Variants in SAP130 observed in about 807,000 individuals in gnomAD.
The protein encoded by SAP130 is Sin3A associated protein 130.
Under a neutral mutation model 103.2 loss-of-function variants are expected in SAP130, and 16 were observed. The ratio of observed to expected loss-of-function variants is 0.16; its 90% CI spans 0.10 to 0.24. The LOEUF is 0.24. SAP130 is among the 10% of genes least tolerant of loss of function. The pLI is 1.00. For synonymous variants in SAP130, 477 were observed against 497.0 expected, an observed-to-expected ratio of 0.96 and a Z score of 0.53; for missense variants, 990 against 1,359.7, an observed-to-expected ratio of 0.73 and a Z score of 4.28.
intron 18 of SAP130, among the ~76,000 whole-genome samples, chr2:127,947,758 G>GTGTC (rs1679189365): frequency 7.3e-6 from 1 of 137,690 alleles, no homozygotes. Context: ...TTTGTATTGT[G>GTGTC]TGTGTCTGTG....
intron 15 of SAP130, among the ~76,000 whole-genome samples, chr2:127,971,817 T>C (rs1356862504): frequency 6.6e-6 from 1 of 152,244 alleles, no homozygotes; most frequent in Non-Finnish European, 1.5e-5. Context: ...GCATGTTTCA[T>C]TATAAATTTC....
At chr2:128,016,280 T>C in intron 4 of SAP130, 109 bp downstream of exon 4, 1 of 1,166,232 alleles carries the variant, frequency 8.6e-7, no homozygotes, top group Non-Finnish European at 1.2e-6. Context: ...TCAGTGACTG[T>C]TTGATCTTTT....
chr2:127,994,483 T>C (rs1201155702), intron 11 of SAP130, among the ~76,000 whole-genome samples: 1 of 152,120 alleles, frequency 6.6e-6, no homozygotes, highest in African/African-American at 2.4e-5. Flanking sequence ...TCCCAGTTAC[T>C]CAGGAGGCTG....
intron 14 of SAP130, among the ~76,000 whole-genome samples, chr2:127,984,369 G>C (rs892802082): frequency 1.3e-5 from 2 of 152,166 alleles, no homozygotes; most frequent in African/African-American, 4.8e-5. Flanking sequence ...AGGTGCTTTG[G>C]GCATGTATTT....
rs115065760 is a variant in SAP130 at position 127,955,358 on chromosome 2, G to A, written c.2064-14C>T. 1,461 of 1,523,534 alleles carry A rather than the reference G, an allele frequency of 9.6e-4. 10 individuals carry two copies. The African/African-American group carries it at 0.015, about 16-fold the overall frequency. The allele number at this position is 1,523,534 out of a possible 1,614,324, so 94.4% of individuals were successfully genotyped here. A position where few individuals can be genotyped will look rare whatever the true frequency, so the allele number is the denominator to read the frequency against. ...TTGGGTTTGGCACTAAAACACAAAA[G>A]AAAAGCACATGTAGCAAATAAGAAA... On this transcript the variant is annotated splice_polypyrimidine_tract_variant and intron_variant, in intron 15 of 20. Coordinates refer to ENST00000643581, the MANE Select transcript of SAP130 (RefSeq NM_001330301.2). This position sits in a 1 kb window ranked among gnomAD's most constrained non-coding sequence, Gnocchi z 4.9.
intron 9 of SAP130, 44 bp downstream of exon 9, chr2:128,000,012 C>G: frequency 6.3e-7 from 1 of 1,580,402 alleles, no homozygotes; most frequent in Non-Finnish European, 8.7e-7. Context: ...TCACTCTTGC[C>G]TCCTTTTTCC....
chr2:127,989,824 C>T lies in SAP130; in HGVS notation c.1520G>A (p.Gly507Asp). 1 of 1,614,124 alleles carries T rather than the reference C, an allele frequency of 6.2e-7. No homozygotes were observed. The highest frequency in any genetic ancestry group is 8.5e-7 in the Non-Finnish European group (1 of 1,180,016). Residue 507 changes from glycine (G) to aspartate (D), a missense_variant, in exon 13 of 21, where the codon GGT (glycine) becomes GAT (aspartate). Coordinates refer to ENST00000643581, the MANE Select transcript of SAP130 (RefSeq NM_001330301.2). This position sits in a 1 kb window ranked among gnomAD's most constrained non-coding sequence, Gnocchi z 4.6. ...GTGGACGGTAGACGCTACCCCAACACCAGTCTGAGCTGTGATGGCAGAGTT... is the reference window on the plus strand; with the variant it reads ...GTGGACGGTAGACGCTACCCCAACATCAGTCTGAGCTGTGATGGCAGAGTT... ...APNSAITAQT[G>D]VGVASTVHLN...
intron 2 of SAP130, among the ~76,000 whole-genome samples, chr2:128,020,888 C>T (rs957545953): frequency 4.6e-5 from 7 of 151,546 alleles, no homozygotes; most frequent in African/African-American, 1.7e-4. Context: ...CCCACCTACT[C>T]GGGAGGCTGA....
intron 15 of SAP130, among the ~76,000 whole-genome samples, chr2:127,977,216 A>G (rs1158639564): frequency 1.3e-5 from 2 of 151,810 alleles, no homozygotes; most frequent in Non-Finnish European, 2.9e-5. Context: ...AAGGCCCGGC[A>G]TGGTGGTTCA....
intron 7 of SAP130, among the ~76,000 whole-genome samples, chr2:128,001,553 C>T (rs1347920668): frequency 6.6e-6 from 1 of 152,154 alleles, no homozygotes; most frequent in African/African-American, 2.4e-5. Context: ...GATACAGGTG[C>T]CTCTTTTTTA....
rs188869210 is a variant in SAP130, at chr2:128,019,612, G to A, written c.113-1697C>T. 7.6e-4 allele frequency among the ~76,000 whole-genome samples: 115 copies of A among 152,260 alleles called. 1 individual carries two copies. Among genetic ancestry groups the A allele is most frequent in the African/African-American group, 2.6e-3 (106 of 41,566 alleles). On this transcript the variant is annotated intron_variant, in intron 2 of 20. Transcript: ENST00000643581. ...TTTAAAAATTCAGTGGAGGCCGGGCGTGGTGGTTCACGCCTGTAATCCCAG... is the reference window on the plus strand; with the variant it reads ...TTTAAAAATTCAGTGGAGGCCGGGCATGGTGGTTCACGCCTGTAATCCCAG...
At chr2:127,978,140 A>G in intron 14 of SAP130, 51 bp from the exon 15 acceptor site, 1 of 1,360,694 alleles carries the variant, frequency 7.3e-7, no homozygotes, top group East Asian at 2.5e-5. Context: ...AGGGCATTCA[A>G]GGCTAAGAAA....
chr2:127,972,907 G>A (rs976298457), intron 15 of SAP130, among the ~76,000 whole-genome samples: 4 of 151,970 alleles, frequency 2.6e-5, no homozygotes, highest in African/African-American at 7.3e-5. Context: ...CACTCCAGCC[G>A]GGGTGACTGG....
intron 15 of SAP130, among the ~76,000 whole-genome samples, chr2:127,961,353 G>A (rs1680235263): frequency 1.4e-5 from 2 of 145,218 alleles, no homozygotes; most frequent in Admixed American, 1.4e-4. Flanking sequence ...TTGCTATGTT[G>A]CCCAGGCTGG....
chr2:127,958,933 A>G (rs1355725040), intron 15 of SAP130, among the ~76,000 whole-genome samples: 1 of 152,140 alleles, frequency 6.6e-6, no homozygotes, highest in African/African-American at 2.4e-5. Context: ...CTGTGGGGTG[A>G]GCCGCCACAC....
Position 127,949,990 on chromosome 2 carries a change from C to A in SAP130, c.2676G>T (p.Glu892Asp). The change falls in exon 18 of 21, where the codon GAG becomes GAT. Residue 892 changes from glutamate to aspartate, a missense_variant. Glu to Asp is a conservative substitution (Grantham distance 45). Transcript: ENST00000643581. Reference protein sequence around the residue: ...RKSPPKEYIDEEGVRYVPVRP... With the variant: ...RKSPPKEYIDDEGVRYVPVRP... The stretch of plus-strand genomic sequence containing the variant: ...GCACTGGGACATATCTCACACCTTC[C>A]TCATCTGTTAAAGAGAAGACATTAA... 3 of 1,613,932 alleles carry A rather than the reference C, an allele frequency of 1.9e-6. No homozygotes were observed. Among genetic ancestry groups the A allele is most frequent in the Non-Finnish European group, 2.5e-6 (3 of 1,179,992 alleles).
At chr2:127,968,427 T>G (rs1461596320) in intron 15 of SAP130, among the ~76,000 whole-genome samples, 5 of 150,876 alleles carry the variant, frequency 3.3e-5, no homozygotes, top group Admixed American at 1.3e-4. Context: ...TTTTTTTTTT[T>G]TTTTTTTTTT....
At position 127,951,235 on chromosome 2, in the gene SAP130, G is replaced by A. The variant is rs570350068; in HGVS notation, c.2423-827C>T. 1.2e-4 allele frequency among the ~76,000 whole-genome samples: 19 copies of A among 152,260 alleles called. No individual in the cohort carries two copies. The South Asian group carries it at 3.3e-3, about 27-fold the overall frequency. ...GATAAAAAGCATGTGTTGTGAGGAC[G>A]TAAACATTTGCTTGAGCTTGTATGA... On this transcript the variant is annotated intron_variant, in intron 16 of 20. Transcript: ENST00000643581.
chr2:128,000,817 G>C (rs1683506148), intron 7 of SAP130, among the ~76,000 whole-genome samples: 1 of 152,144 alleles, frequency 6.6e-6, no homozygotes, highest in African/African-American at 2.4e-5. Context: ...CTGAAGGATA[G>C]CTTGTGCCCA....
Sources: gnomAD v4.1 joint callset for allele counts (sites outside exome capture counted in the v4.1 genomes callset) on GRCh38, gnomAD v4.1.1 for gene constraint, Gnocchi (gnomAD v3.1) non-coding constraint, MANE v1.5 for transcripts, NCBI Gene and HGNC (gene_info 2026-07-23, HGNC 2026-07-21) for gene names.